Variants in COA8 observed in about 807,000 individuals in gnomAD.
COA8 encodes cytochrome c oxidase assembly factor 8.
COA8 carries 20 observed loss-of-function variants against 22.0 expected under a neutral mutation model. The observed-to-expected ratio is 0.91, with a 90% CI of 0.64 to 1.32. COA8 has a LOEUF of 1.32. Ranked by LOEUF, COA8 falls within the 40% of genes most tolerant of loss-of-function variation. The probability of loss-of-function intolerance (pLI) is 0.00; values close to 1 mark genes in which losing one functional copy is unlikely to be tolerated. For synonymous variants in COA8, 105 were observed against 79.9 expected (o/e 1.31, Z -1.68); for missense variants, 266 against 230.0 (o/e 1.16, Z -1.01).
rs561702478 is a variant in COA8 at position 103,564,571 on chromosome 14, C to CTTTTTTT, written c.123+1467_123+1473dup. 9.8e-5 allele frequency among the ~76,000 whole-genome samples: 9 copies of CTTTTTTT among 91,460 alleles called. 2 individuals are homozygous for CTTTTTTT. Among genetic ancestry groups the CTTTTTTT allele is most frequent in the Non-Finnish European group, 6.3e-5 (3 of 47,532 alleles). 60.0% of individuals were successfully genotyped at this position (91,460 alleles called of 152,430 possible). A position where few individuals can be genotyped will look rare whatever the true frequency, so the allele number is the denominator to read the frequency against. On this transcript the variant is annotated intron_variant, in intron 1 of 4. Coordinates refer to ENST00000409074, the MANE Select transcript of COA8 (RefSeq NM_001370595.2). ...GATTTCTCTATTGTCATATACACTT[C>CTTTTTTT]TTTTTTTTTTTTTTTTTTTTTTTTT...
chr14:103,588,453 A>T (rs2076326899), intron 4 of COA8, among the ~76,000 whole-genome samples: 2 of 148,422 alleles, frequency 1.3e-5, no homozygotes, highest in Admixed American at 6.8e-5. Context: ...GTCTCAATAA[A>T]TAAATAAATA....
intron 3 of COA8, among the ~76,000 whole-genome samples, chr14:103,577,510 C>T (rs1268680416): frequency 6.6e-6 from 1 of 152,142 alleles, no homozygotes; most frequent in East Asian, 1.9e-4. Flanking sequence ...AGCCCCTTTT[C>T]CAGAAGAATT....
chr14:103,574,646 G>A (rs1233292769), intron 3 of COA8: 1 of 352,800 alleles, frequency 2.8e-6, no homozygotes, highest in Non-Finnish European at 5.5e-6. Flanking sequence ...AGCCAAGTCT[G>A]TCATTGGGCT....
At chr14:103,586,931 T>TGACCTCAAGTGATCCTCCC (rs1460900768) in intron 3 of COA8, among the ~76,000 whole-genome samples, 8 of 151,968 alleles carry the variant, frequency 5.3e-5, no homozygotes, top group Non-Finnish European at 7.4e-5. Flanking sequence ...CATGAACTCC[T>TGACCTCAAGTGATCCTCCC]GACCTCAAGT....
intron 1 of COA8, chr14:103,567,316 T>A (rs1595135652): frequency 6.9e-6 from 1 of 144,562 alleles, no homozygotes; most frequent in Non-Finnish European, 1.5e-5. Context: ...GAGGCTGCAG[T>A]GAGCCAAGAT....
chr14:103,563,502 T>C, intron 1 of COA8: 1 of 372,822 alleles, frequency 2.7e-6, no homozygotes, highest in East Asian at 6.5e-5. Flanking sequence ...TTACAATTAT[T>C]AGTGCTTTTC....
At chr14:103,576,597 G>A (rs943495353) in intron 3 of COA8, among the ~76,000 whole-genome samples, 63 of 152,218 alleles carry the variant, frequency 4.1e-4, no homozygotes, top group Non-Finnish European at 7.3e-4. Context: ...CCTGTGCTCA[G>A]ACGCTAGGAC....
At chr14:103,564,186 A>G (rs1296367329) in intron 1 of COA8, among the ~76,000 whole-genome samples, 2 of 152,022 alleles carry the variant, frequency 1.3e-5, no homozygotes, top group East Asian at 3.9e-4. Context: ...TTGCAAATGT[A>G]CTTGCTTGTA....
In COA8 at chr14:103,568,621, G is replaced by GTGTATA. The variant is rs1232366571; in HGVS notation, c.124-3001_124-3000insGTATAT. ...TATACGTATATATATATGTGTGTGT[G>GTGTATA]TATATATATATATATATATATATAT... On this transcript the variant is annotated intron_variant, in intron 1 of 4. Coordinates refer to ENST00000409074, the MANE Select transcript of COA8 (RefSeq NM_001370595.2). Among the ~76,000 whole-genome samples, 396 of 141,850 alleles carry GTGTATA rather than the reference G, an allele frequency of 2.8e-3. 2 individuals carry two copies. Among genetic ancestry groups the GTGTATA allele is most frequent in the African/African-American group, 9.7e-3 (364 of 37,462 alleles). 93.1% of individuals were successfully genotyped at this position (141,850 alleles called of 152,430 possible).
chr14:103,588,556 G>A (rs1007394582), intron 4 of COA8, among the ~76,000 whole-genome samples: 6 of 151,396 alleles, frequency 4.0e-5, no homozygotes, highest in South Asian at 2.1e-4. Context: ...CAAGAATGTC[G>A]ACATGGGCCA....
At chr14:103,572,766 TGA>T (rs1433458412) in intron 2 of COA8, among the ~76,000 whole-genome samples, 1 of 150,164 alleles carries the variant, frequency 6.7e-6, no homozygotes, top group Non-Finnish European at 1.5e-5. Flanking sequence ...TCATTCTTCC[TGA>T]GAATTCAAAA....
chr14:103,584,618 A>G (rs2151186195), intron 3 of COA8, among the ~76,000 whole-genome samples: 1 of 152,166 alleles, frequency 6.6e-6, no homozygotes, highest in East Asian at 1.9e-4. Flanking sequence ...GAGTGGCCTG[A>G]CCTATTTTTT....
intron 1 of COA8, among the ~76,000 whole-genome samples, chr14:103,568,912 G>A (rs533263140): frequency 1.2e-4 from 18 of 152,222 alleles, no homozygotes; most frequent in African/African-American, 4.1e-4. Flanking sequence ...GATGACAGGC[G>A]TGAGCCACCG....
At chr14:103,572,788 T>A (rs746998694) in intron 2 of COA8, among the ~76,000 whole-genome samples, 3 of 89,830 alleles carry the variant, frequency 3.3e-5, no homozygotes, top group Admixed American at 1.2e-4. Context: ...AAAAAAAAAA[T>A]TTTTTTCTTT....
chr14:103,570,301 G>A (rs1347410965), intron 1 of COA8, among the ~76,000 whole-genome samples: 1 of 152,198 alleles, frequency 6.6e-6, no homozygotes, highest in Non-Finnish European at 1.5e-5. Flanking sequence ...CATCAAATCA[G>A]TGTATTTTAA....
chr14:103,586,109 C>T lies in COA8; in HGVS notation c.386-1165C>T, dbSNP rs1272685837. 8.6e-5 allele frequency among the ~76,000 whole-genome samples: 13 copies of T among 151,370 alleles called. No homozygotes were observed. In the East Asian group the frequency reaches 2.5e-3, roughly 30 times the overall value. Reference sequence around the variant, plus strand: ...AGAGACGGTGTTTCAGCACGTTGGCCAGGCTGGTCTCGAACTCCTGACCTC... The same window carrying T: ...AGAGACGGTGTTTCAGCACGTTGGCTAGGCTGGTCTCGAACTCCTGACCTC... On this transcript the variant is annotated intron_variant, in intron 3 of 4. Transcript: ENST00000409074.
intron 2 of COA8, among the ~76,000 whole-genome samples, chr14:103,572,687 G>A (rs1212343228): frequency 6.6e-6 from 1 of 151,796 alleles, no homozygotes; most frequent in Admixed American, 6.6e-5. Flanking sequence ...CCGAGAGCGC[G>A]CCATTGCACT....
chr14:103,565,599 C>T (rs2076129906), intron 1 of COA8, among the ~76,000 whole-genome samples: 1 of 151,568 alleles, frequency 6.6e-6, no homozygotes, highest in Non-Finnish European at 1.5e-5. Flanking sequence ...CCTCCATCAC[C>T]TCCCCACCTT....
chr14:103,571,540 G>A, intron 1 of COA8, 83 bp from the exon 2 acceptor site: 1 of 1,369,576 alleles, frequency 7.3e-7, no homozygotes, highest in Non-Finnish European at 1.0e-6. Flanking sequence ...CCGTCTCTAA[G>A]TAAATAAATA....
Sources: allele counts gnomAD v4.1 joint callset (sites outside exome capture counted in the v4.1 genomes callset), GRCh38; gene constraint gnomAD v4.1.1; transcripts MANE v1.5; gene names NCBI Gene and HGNC (gene_info 2026-07-23, HGNC 2026-07-21).